The following LRRC66 variants were observed in gnomAD, a reference collection of about 807,000 sequenced individuals.
LRRC66 encodes the protein leucine rich repeat containing 66.
In LRRC66, 29 loss-of-function variants were observed where a neutral mutation model predicts 24.6. The observed-to-expected ratio is 1.18, with a 90% CI of 0.88 to 1.61. The LOEUF (loss-of-function observed/expected upper bound fraction) is 1.61, where lower values mean the gene tolerates loss of function less well. Among genes scored for constraint, LRRC66 ranks in the 40% most tolerant of loss-of-function variants. The pLI is 0.00. For synonymous variants in LRRC66, 411 were observed against 397.6 expected (o/e 1.03, Z -0.40); for missense variants, 1,124 against 1,058.0 (o/e 1.06, Z -0.87).
chr4:52,000,552 A>G (rs1317036573), intron 3 of LRRC66, among the ~76,000 whole-genome samples: 1 of 152,222 alleles, frequency 6.6e-6, no homozygotes, highest in Non-Finnish European at 1.5e-5. Context: ...TGCCACTTCC[A>G]TGATGACATT....
Position 51,995,563 on chromosome 4 carries a change from T to C in LRRC66, c.1459A>G (p.Ser487Gly). 6.2e-7 allele frequency: 1 copy of C among 1,614,166 alleles called. No homozygotes were observed. Among genetic ancestry groups the C allele is most frequent in the Non-Finnish European group, 8.5e-7 (1 of 1,180,028 alleles). The change falls in exon 5 of 5, where the codon AGC becomes GGC. Residue 487 changes from serine (S) to glycine (G), a missense_variant. Transcript: ENST00000682860. Reference sequence around the variant, plus strand: ...GTGTTGTCCCCGCACTGTCCTGGGCTCTGCGAACTGCCAGGATCCTTTCTG... The same window carrying C: ...GTGTTGTCCCCGCACTGTCCTGGGCCCTGCGAACTGCCAGGATCCTTTCTG... ...RSRKDPGSSQ[S>G]PGQCGDNTGA... is the part of the protein sequence containing the mutation.
chr4:52,002,066 T>C (rs1736458079), intron 3 of LRRC66, among the ~76,000 whole-genome samples: 1 of 152,132 alleles, frequency 6.6e-6, no homozygotes, highest in Non-Finnish European at 1.5e-5. Flanking sequence ...TATAGAGCAA[T>C]TAAAACAGGG....
intron 1 of LRRC66, chr4:52,018,555 AACTG>A (rs1211638615): frequency 1.3e-5 from 13 of 985,354 alleles, no homozygotes; most frequent in African/African-American, 1.7e-5. Flanking sequence ...AAAATGGCTT[AACTG>A]ACTTTCTTGC....
chr4:52,017,086 T>C (rs757374661), intron 2 of LRRC66, 32 bp downstream of exon 2: 22 of 1,567,406 alleles, frequency 1.4e-5, no homozygotes, highest in South Asian at 2.4e-5. Flanking sequence ...CACGTAAGCA[T>C]TGTTTCTCTG....
intron 2 of LRRC66, among the ~76,000 whole-genome samples, chr4:52,014,906 CT>C (rs548710393): frequency 1.3e-5 from 2 of 152,266 alleles, no homozygotes; most frequent in Admixed American, 6.5e-5. Flanking sequence ...CACTTCCCTT[CT>C]TTTTTCCCCC....
Position 52,017,461 on chromosome 4 carries a change from C to A in LRRC66, c.153G>T (p.Lys51Asn), listed in dbSNP as rs747443186. The A allele has an allele frequency of 1.1e-5, 17 of 1,614,076 alleles. No individual in the cohort carries two copies. In the South Asian group the frequency reaches 1.9e-4, roughly 18 times the overall value. Residue 51 changes from lysine (K) to asparagine (N), a missense_variant, in exon 2 of 5, where the codon AAG (lysine) becomes AAT (asparagine). Transcript: ENST00000682860. ...YILTNCSFTGKCDIPVDISQT... is the reference protein window; with the variant it reads ...YILTNCSFTGNCDIPVDISQT... ...GTGATATGTCCACAGGTATATCACACTTTCCGGTAAAAGAACAATTTGTCA... is the reference window on the plus strand; with the variant it reads ...GTGATATGTCCACAGGTATATCACAATTTCCGGTAAAAGAACAATTTGTCA...
intron 2 of LRRC66, among the ~76,000 whole-genome samples, chr4:52,004,834 C>T (rs1451421116): frequency 6.6e-6 from 1 of 152,096 alleles, no homozygotes; most frequent in Non-Finnish European, 1.5e-5. Flanking sequence ...GTCAGGACGA[C>T]GAATCAATCA....
intron 4 of LRRC66, among the ~76,000 whole-genome samples, chr4:51,997,326 T>A (rs1432246937): frequency 1.3e-5 from 2 of 152,232 alleles, no homozygotes; most frequent in Admixed American, 1.3e-4. Context: ...TGTTTCTAAT[T>A]TTAAAAGTTC....
intron 3 of LRRC66, 74 bp downstream of exon 3, chr4:52,003,149 C>T: frequency 8.2e-7 from 1 of 1,214,606 alleles, no homozygotes; most frequent in Non-Finnish European, 1.2e-6. Flanking sequence ...AGAAACTCTT[C>T]AATAGAAATA....
rs779704783 is a variant in LRRC66, at chr4:52,017,315, A to G, written c.299T>C (p.Ile100Thr). The G allele has an allele frequency of 1.2e-6, 2 of 1,614,100 alleles. No homozygotes were observed. The highest frequency in any genetic ancestry group is 1.7e-6 in the Non-Finnish European group (2 of 1,179,990). The change falls in exon 2 of 5, where the codon ATA becomes ACA. Residue 100 changes from isoleucine to threonine, a missense_variant. Transcript: ENST00000682860. Reference protein sequence around the residue: ...LDLSNNLISKITLSPFAYLHA... With the variant: ...LDLSNNLISKTTLSPFAYLHA... ...TAAATATGCAAAAGGGCTTAAGGTT[A>G]TTTTTGATATGAGATTGTTACTGAG... is the stretch of plus-strand genomic sequence containing the variant.
intron 3 of LRRC66, among the ~76,000 whole-genome samples, chr4:52,001,780 C>T (rs545042325): frequency 6.6e-6 from 1 of 152,196 alleles, no homozygotes; most frequent in South Asian, 2.1e-4. Context: ...AGAGGGACTC[C>T]AGGAGCCATT....
chr4:52,011,196 G>A lies in LRRC66; in HGVS notation c.496+5922C>T, dbSNP rs139395077. Among the ~76,000 whole-genome samples the A allele has an allele frequency of 2.7e-3, 415 of 152,118 alleles. 1 individual carries two copies. The highest frequency in any genetic ancestry group is 0.014 in the Middle Eastern group (4 of 294). ...CCTGATAACATAAAACAATATTCAG[G>A]GATTATGGCTTTTAGTCCAAAGAGC... is the stretch of plus-strand genomic sequence containing the variant. On this transcript the variant is annotated intron_variant, in intron 2 of 4. Coordinates refer to ENST00000682860, the MANE Select transcript of LRRC66 (RefSeq NM_001024611.3).
At chr4:52,008,671 T>C (rs573011873) in intron 2 of LRRC66, among the ~76,000 whole-genome samples, 17 of 152,224 alleles carry the variant, frequency 1.1e-4, no homozygotes, top group African/African-American at 3.9e-4. Flanking sequence ...GAATTCTTTA[T>C]TGAGTAAAAA....
Position 52,017,101 on chromosome 4 carries a change from G to C in LRRC66, c.496+17C>G. 6.3e-7 allele frequency: 1 copy of C among 1,583,138 alleles called. No homozygotes were observed. The highest frequency in any genetic ancestry group is 8.6e-7 in the Non-Finnish European group (1 of 1,166,082). On this transcript the variant is annotated intron_variant, in intron 2 of 4. Transcript: ENST00000682860. Reference sequence around the variant, plus strand: ...CACGTAAGCATTGTTTCTCTGCCTAGTTAAAATTGTACTCACCCTTGGGAG... The same window carrying C: ...CACGTAAGCATTGTTTCTCTGCCTACTTAAAATTGTACTCACCCTTGGGAG...
Position 51,994,896 on chromosome 4 carries a change from GACC to G in LRRC66, c.2123_2125del (p.Gly708_Ser709delinsAla). 8 of 1,614,148 alleles carry G rather than the reference GACC, an allele frequency of 5.0e-6. No homozygotes were observed. Among genetic ancestry groups the G allele is most frequent in the Non-Finnish European group, 4.2e-6 (5 of 1,180,042 alleles). The stretch of plus-strand genomic sequence containing the variant: ...ACTTATGGAGCTCAGAGTGAACAGA[GACC>G]CCTCATCAGAGTCACAGTCACTCTC... On this transcript the variant is annotated inframe_deletion, in exon 5 of 5. Transcript: ENST00000682860.
Position 51,995,338 on chromosome 4 carries a change from A to T in LRRC66, c.1684T>A (p.Ser562Thr). 6.2e-7 allele frequency: 1 copy of T among 1,614,190 alleles called. No individual in the cohort carries two copies. ...SVGVSSVAGT[S>T]HAVSGSSRYD... is the part of the protein sequence containing the mutation. ...CGGCTTGAGCCAGAGACAGCGTGAGACGTGCCAGCTACAGAAGAGACGCCC... is the reference window on the plus strand; with the variant it reads ...CGGCTTGAGCCAGAGACAGCGTGAGTCGTGCCAGCTACAGAAGAGACGCCC... The change falls in exon 5 of 5, where the codon TCT becomes ACT. Residue 562 changes from serine (S) to threonine (T), a missense_variant. By Grantham distance (58) the Ser-to-Thr change is moderately conservative (BLOSUM62 1). Transcript: ENST00000682860.
chr4:52,018,568 G>C, intron 1 of LRRC66: 2 of 985,302 alleles, frequency 2.0e-6, no homozygotes, highest in South Asian at 4.7e-5. Flanking sequence ...TGACTTTCTT[G>C]CCTCTGCCTC....
chr4:51,997,978 A>G (rs755517977), intron 3 of LRRC66, 41 bp from the exon 4 acceptor site: 2 of 1,508,468 alleles, frequency 1.3e-6, no homozygotes, highest in Admixed American at 1.8e-5. Flanking sequence ...CTGTGGATAA[A>G]GACATTTACA....
chr4:52,003,440 T>G (rs1204934565), intron 2 of LRRC66, 48 bp from the exon 3 acceptor site: 1 of 1,538,662 alleles, frequency 6.5e-7, no homozygotes, highest in South Asian at 1.2e-5. Flanking sequence ...TAAAATTTAC[T>G]GCAGCACTGT....
Sources: gnomAD v4.1 joint callset for allele counts (sites outside exome capture counted in the v4.1 genomes callset) on GRCh38, gnomAD v4.1.1 for gene constraint, MANE v1.5 for transcripts, NCBI Gene and HGNC (gene_info 2026-07-23, HGNC 2026-07-21) for gene names.